The following ADAM23 variants were observed in gnomAD, a reference collection of about 807,000 sequenced individuals.
ADAM23 encodes disintegrin and metalloproteinase domain-containing protein 23.
Under a neutral mutation model 120.1 loss-of-function variants are expected in ADAM23, and 33 were observed. The ratio of observed to expected loss-of-function variants is 0.27; its 90% CI spans 0.21 to 0.37. The LOEUF (loss-of-function observed/expected upper bound fraction) is 0.37. Ranked by LOEUF, ADAM23 falls within the 10% of genes least tolerant of loss-of-function variation. ADAM23 has a pLI of 1.00. For synonymous variants in ADAM23, 367 were observed against 375.2 expected (o/e 0.98, Z 0.25); for missense variants, 862 against 1,058.2 (o/e 0.81, Z 2.57).
intron 18 of ADAM23, among the ~76,000 whole-genome samples, chr2:206,585,627 C>A (rs371690585): frequency 2.4e-4 from 37 of 152,272 alleles, no homozygotes; most frequent in African/African-American, 8.4e-4. Context: ...TTGAGTCATT[C>A]ATTTATTTTC....
At chr2:206,459,542 AACTT>A (rs1695370057) in intron 2 of ADAM23, among the ~76,000 whole-genome samples, 1 of 152,168 alleles carries the variant, frequency 6.6e-6, no homozygotes, top group South Asian at 2.1e-4. Context: ...AACATTTATT[AACTT>A]ACTTGTATGA....
At chr2:206,507,716 A>T (rs139608819) in intron 3 of ADAM23, among the ~76,000 whole-genome samples, 59 of 152,262 alleles carry the variant, frequency 3.9e-4, no homozygotes, top group East Asian at 1.9e-3. Flanking sequence ...CTGAATGTCC[A>T]CTGTTGTGTA....
intron 3 of ADAM23, among the ~76,000 whole-genome samples, chr2:206,504,074 A>T (rs1696445943): frequency 6.6e-6 from 1 of 152,152 alleles, no homozygotes; most frequent in African/African-American, 2.4e-5. Context: ...ACTTTTATAT[A>T]TCCTTGGTAT....
chr2:206,540,080 G>T (rs1697258983), intron 4 of ADAM23, among the ~76,000 whole-genome samples: 1 of 152,134 alleles, frequency 6.6e-6, no homozygotes, highest in Non-Finnish European at 1.5e-5. Flanking sequence ...TACTCAGGAG[G>T]CTGAAGCACA....
At chr2:206,449,213 A>T (rs957185064) in intron 2 of ADAM23, among the ~76,000 whole-genome samples, 1 of 152,178 alleles carries the variant, frequency 6.6e-6, no homozygotes, top group African/African-American at 2.4e-5. Context: ...GAAGGAAAAA[A>T]CATTGCTTTT....
chr2:206,475,189 AG>A (rs1360943639), intron 2 of ADAM23, among the ~76,000 whole-genome samples: 1 of 152,226 alleles, frequency 6.6e-6, no homozygotes, highest in African/African-American at 2.4e-5. Context: ...CAGTACTTTG[AG>A]ATGATTAAAA....
intron 4 of ADAM23, among the ~76,000 whole-genome samples, chr2:206,536,877 C>T (rs1045740258): frequency 6.6e-6 from 1 of 151,636 alleles, no homozygotes; most frequent in South Asian, 2.1e-4. Flanking sequence ...GGCTAATTTT[C>T]GTATTTTTAG....
chr2:206,444,746 A>C (rs1202271069), intron 1 of ADAM23, among the ~76,000 whole-genome samples: 1 of 152,262 alleles, frequency 6.6e-6, no homozygotes, highest in Admixed American at 6.5e-5. Flanking sequence ...GTATCCCTAC[A>C]TGGCAAAGTA....
chr2:206,493,596 C>T (rs532051928), intron 3 of ADAM23, among the ~76,000 whole-genome samples: 1 of 152,342 alleles, frequency 6.6e-6, no homozygotes, highest in Admixed American at 6.5e-5. Context: ...TGGTCTCGAA[C>T]TCCCGACCTC....
At position 206,443,568 on chromosome 2, in the gene ADAM23, A is replaced by AGCGGCC. The variant is rs1695000561; in HGVS notation, c.-295_-290dup. 7.1e-6 allele frequency: 1 copy of AGCGGCC among 141,348 alleles called. No individual in the cohort carries two copies. Among genetic ancestry groups the AGCGGCC allele is most frequent in the Non-Finnish European group, 1.6e-5 (1 of 63,004 alleles). The allele number at this position is 141,348 out of a possible 1,614,324, so 8.8% of individuals were successfully genotyped here. ...CGGCGGCAGCCCCCGCAGTCGCTGA[A>AGCGGCC]GCGGCCGCGCCCGCCGGGGGAGGGA... On this transcript the variant is annotated 5_prime_UTR_variant, in exon 1 of 26. Transcript: ENST00000264377.
intron 3 of ADAM23, among the ~76,000 whole-genome samples, chr2:206,521,704 AC>A (rs1696845630): frequency 6.6e-6 from 1 of 152,210 alleles, no homozygotes; most frequent in Admixed American, 6.5e-5. Flanking sequence ...GATGTTGTGA[AC>A]ATCTTTCTAA....
At chr2:206,460,179 G>A (rs1695386599) in intron 2 of ADAM23, among the ~76,000 whole-genome samples, 1 of 151,280 alleles carries the variant, frequency 6.6e-6, no homozygotes, top group South Asian at 2.1e-4. Context: ...AGTTGTTATA[G>A]TTGGTTGGCA....
intron 25 of ADAM23, among the ~76,000 whole-genome samples, chr2:206,613,314 C>T (rs759883335): frequency 6.6e-6 from 1 of 152,168 alleles, no homozygotes; most frequent in Non-Finnish European, 1.5e-5. Context: ...CAGACTCGGC[C>T]TCCCAAAGTG....
Position 206,463,545 on chromosome 2 carries a change from A to G in ADAM23, c.433-17687A>G, listed in dbSNP as rs114589712. On this transcript the variant is annotated intron_variant, in intron 2 of 25. Coordinates refer to ENST00000264377, the MANE Select transcript of ADAM23 (RefSeq NM_003812.4). Reference sequence around the variant, plus strand: ...ATCCAGGGAAATTTGTTAGGGTAGCAGCAGGAAATAATCCAGCAGTCAAAA... The same window carrying G: ...ATCCAGGGAAATTTGTTAGGGTAGCGGCAGGAAATAATCCAGCAGTCAAAA... Among the ~76,000 whole-genome samples the G allele has an allele frequency of 6.4e-3, 969 of 152,360 alleles. 19 individuals are homozygous for G. Among genetic ancestry groups the G allele is most frequent in the African/African-American group, 0.022 (913 of 41,586 alleles).
At chr2:206,496,790 A>G (rs1371114485) in intron 3 of ADAM23, among the ~76,000 whole-genome samples, 3 of 152,218 alleles carry the variant, frequency 2.0e-5, no homozygotes, top group Non-Finnish European at 4.4e-5. Context: ...GAAGAATCAA[A>G]TAGACACAAT....
intron 4 of ADAM23, among the ~76,000 whole-genome samples, chr2:206,537,973 C>T (rs1448803613): frequency 6.6e-6 from 1 of 152,096 alleles, no homozygotes; most frequent in African/African-American, 2.4e-5. Context: ...ATTGACCTTC[C>T]TGGCAACATT....
chr2:206,556,437 A>G (rs917142666), intron 9 of ADAM23, among the ~76,000 whole-genome samples: 2 of 152,200 alleles, frequency 1.3e-5, no homozygotes, highest in Non-Finnish European at 2.9e-5. Context: ...CATTATTTTC[A>G]TAATTATAAT....
At chr2:206,474,606 C>T (rs1055485201) in intron 2 of ADAM23, among the ~76,000 whole-genome samples, 1 of 152,104 alleles carries the variant, frequency 6.6e-6, no homozygotes, top group African/African-American at 2.4e-5. Context: ...GAATGGGTCT[C>T]ATTCTGTCAC....
intron 1 of ADAM23, among the ~76,000 whole-genome samples, chr2:206,444,526 T>G: frequency 6.6e-6 from 1 of 151,972 alleles, no homozygotes; most frequent in East Asian, 1.9e-4. Flanking sequence ...GGAATTAAGG[T>G]GGGGGAGGCA....
Sources: allele counts gnomAD v4.1 joint callset (sites outside exome capture counted in the v4.1 genomes callset), GRCh38; gene constraint gnomAD v4.1.1; transcripts MANE v1.5; gene names NCBI Gene and HGNC (gene_info 2026-07-23, HGNC 2026-07-21).